TIMM23: variants seen among roughly 807,000 people sequenced by gnomAD.
TIMM23 encodes mitochondrial import inner membrane translocase subunit Tim23.
A neutral mutation model predicts 30.7 loss-of-function variants in TIMM23; 19 were observed. The observed-to-expected ratio is 0.62, with a 90% CI of 0.43 to 0.91. TIMM23 has a LOEUF of 0.91. TIMM23 is among the 40% of genes least tolerant of loss of function. The pLI, the probability that TIMM23 is intolerant of heterozygous loss-of-function variation, is 0.00. For missense variants in TIMM23, 202 were observed against 269.2 expected (o/e 0.75, Z 1.75); for synonymous variants, 78 against 98.5 (o/e 0.79, Z 1.23).
chr10:45,982,338 G>A (rs1200306236), intron 2 of TIMM23, among the ~76,000 whole-genome samples, 185 bp from the exon 3 acceptor site: 106 of 152,286 alleles, frequency 7.0e-4, no homozygotes, highest in African/African-American at 2.2e-3. Flanking sequence ...ACTATGTTTC[G>A]TATTTCATTT....
chr10:45,980,025 A>T (rs1343424761), intron 2 of TIMM23, among the ~76,000 whole-genome samples: 4 of 151,612 alleles, frequency 2.6e-5, no homozygotes, highest in Non-Finnish European at 5.9e-5. Context: ...AAAACTTGTG[A>T]ATTCATTCTT....
At chr10:45,987,806 AG>A (rs1229119363) in intron 5 of TIMM23, among the ~76,000 whole-genome samples, 5 of 151,686 alleles carry the variant, frequency 3.3e-5, no homozygotes, top group African/African-American at 7.3e-5. Flanking sequence ...TTTTTAGAGA[AG>A]GGGGTATCCC....
intron 4 of TIMM23, among the ~76,000 whole-genome samples, chr10:45,983,973 A>G (rs1164841438): frequency 6.6e-6 from 1 of 152,066 alleles, no homozygotes; most frequent in Middle Eastern, 3.2e-3. Flanking sequence ...CAAACTCCTG[A>G]GCTCAGGTGA....
chr10:45,982,554 C>A lies in TIMM23; in HGVS notation c.197C>A (p.Ala66Asp), dbSNP rs1349865793. The A allele has an allele frequency of 6.2e-7, 1 of 1,613,788 alleles. No individual in the cohort carries two copies. Residue 66 changes from alanine (A) to aspartate (D), a missense_variant, in exon 3 of 7, where the codon GCT (alanine) becomes GAT (aspartate). By Grantham distance (126) the Ala-to-Asp change is moderately radical (BLOSUM62 -2). Coordinates refer to ENST00000580018, the MANE Select transcript of TIMM23 (RefSeq NM_006327.4). ...GATGAGTTTATTTTACCTACCGGAG[C>A]TAATAAAACCCGGGGCAGATTTGAG... ...DTDEFILPTG[A>D]NKTRGRFELA...
intron 1 of TIMM23, among the ~76,000 whole-genome samples, 196 bp downstream of exon 1, chr10:45,972,926 C>T (rs1164611767): frequency 1.3e-5 from 2 of 152,066 alleles, no homozygotes; most frequent in Non-Finnish European, 2.9e-5. Flanking sequence ...CACGGATCTC[C>T]TGGGGAAGCT....
chr10:46,002,053 T>G (rs1838555257), intron 6 of TIMM23, among the ~76,000 whole-genome samples: 1 of 152,214 alleles, frequency 6.6e-6, no homozygotes, highest in African/African-American at 2.4e-5. Context: ...TCTGTAATTC[T>G]TGAGTTCTTT....
intron 6 of TIMM23, among the ~76,000 whole-genome samples, chr10:45,997,378 G>T (rs1454171266): frequency 1.3e-5 from 2 of 152,122 alleles, no homozygotes; most frequent in African/African-American, 4.8e-5. Context: ...ACTTAGAATA[G>T]TCAGATTCAT....
intron 6 of TIMM23, among the ~76,000 whole-genome samples, chr10:45,997,862 T>C (rs1838394944): frequency 6.6e-6 from 1 of 152,208 alleles, no homozygotes; most frequent in Non-Finnish European, 1.5e-5. Flanking sequence ...GTGAATGTAC[T>C]TAATGCCTCT....
At chr10:45,998,358 T>C (rs1191776323) in intron 6 of TIMM23, 1 of 985,100 alleles carries the variant, frequency 1.0e-6, no homozygotes, top group East Asian at 1.1e-4. Context: ...TGCCTATCGC[T>C]TTGGAAGAAC....
intron 2 of TIMM23, 129 bp from the exon 3 acceptor site, chr10:45,982,394 T>C (rs1837875761): frequency 2.4e-6 from 2 of 830,872 alleles, no homozygotes; most frequent in African/African-American, 3.5e-5. Flanking sequence ...TATTTTTGTT[T>C]AAGTATAGGT....
At chr10:45,998,634 G>GGCCA (rs1838418297) in intron 6 of TIMM23, among the ~76,000 whole-genome samples, 1 of 152,112 alleles carries the variant, frequency 6.6e-6, no homozygotes, top group Non-Finnish European at 1.5e-5. Flanking sequence ...TGTGGTAAAA[G>GGCCA]GCCACCCTTG....
At position 45,975,110 on chromosome 10, in the gene TIMM23, T is replaced by G. The variant is rs1204924775; in HGVS notation, c.107-344T>G. On this transcript the variant is annotated intron_variant, in intron 1 of 6. Coordinates refer to ENST00000580018, the MANE Select transcript of TIMM23 (RefSeq NM_006327.4). Reference sequence around the variant, plus strand: ...TCTTTTTTCAGTCTTATTTTGTAATTTACATAGTCACCAAGCATTCTTGGA... The same window carrying G: ...TCTTTTTTCAGTCTTATTTTGTAATGTACATAGTCACCAAGCATTCTTGGA... Among the ~76,000 whole-genome samples the G allele has an allele frequency of 3.9e-5, 6 of 152,354 alleles. No individual in the cohort carries two copies. The East Asian group carries it at 1.2e-3, about 29-fold the overall frequency.
chr10:45,997,528 T>TTC (rs1838381052), intron 6 of TIMM23, among the ~76,000 whole-genome samples: 1 of 152,254 alleles, frequency 6.6e-6, no homozygotes, highest in East Asian at 1.9e-4. Context: ...TAGATGTTGG[T>TTC]ACACAGAGCA....
chr10:45,987,575 G>C (rs1393910549), intron 5 of TIMM23, among the ~76,000 whole-genome samples: 1 of 151,184 alleles, frequency 6.6e-6, no homozygotes, highest in African/African-American at 2.4e-5. Flanking sequence ...CACAGAACTC[G>C]AGGGAACACA....
intron 2 of TIMM23, among the ~76,000 whole-genome samples, chr10:45,976,600 G>C (rs1837680193): frequency 6.6e-6 from 1 of 152,208 alleles, no homozygotes; most frequent in South Asian, 2.1e-4. Flanking sequence ...AACAGAGTAA[G>C]ACCCTATCTC....
chr10:45,978,439 T>G lies in TIMM23; in HGVS notation c.165+2927T>G, dbSNP rs1320786850. On this transcript the variant is annotated intron_variant, in intron 2 of 6. Coordinates refer to ENST00000580018, the MANE Select transcript of TIMM23 (RefSeq NM_006327.4). ...ATAAGGAATTTATATCTAGAATATT[T>G]AATTTTTTTAACTCTTGAAACATTA... 4.7e-3 allele frequency among the ~76,000 whole-genome samples: 722 copies of G among 152,358 alleles called. 5 individuals are homozygous for G. The highest frequency in any genetic ancestry group is 0.019 in the East Asian group (98 of 5,192).
At chr10:45,974,393 T>C in intron 1 of TIMM23, among the ~76,000 whole-genome samples, 1 of 152,174 alleles carries the variant, frequency 6.6e-6, no homozygotes, top group East Asian at 1.9e-4. Context: ...ACAGTACAAA[T>C]GCTTGGGAGG....
intron 2 of TIMM23, 126 bp from the exon 3 acceptor site, chr10:45,982,393 TTAAG>T (rs1837875846): frequency 2.4e-6 from 2 of 827,732 alleles, no homozygotes; most frequent in African/African-American, 1.7e-5. Context: ...TTATTTTTGT[TTAAG>T]TATAGGTTTG....
intron 2 of TIMM23, among the ~76,000 whole-genome samples, chr10:45,981,082 G>A (rs1241718060): frequency 3.4e-5 from 5 of 148,266 alleles, no homozygotes; most frequent in African/African-American, 1.0e-4. Context: ...GGGACTACAG[G>A]CGCACACTGC....
Sources: allele counts gnomAD v4.1 joint callset (sites outside exome capture counted in the v4.1 genomes callset), GRCh38; gene constraint gnomAD v4.1.1; transcripts MANE v1.5; gene names NCBI Gene and HGNC (gene_info 2026-07-23, HGNC 2026-07-21).